The following PCDH15 variants were observed in gnomAD, a reference collection of about 807,000 sequenced individuals.
PCDH15 encodes the protein protocadherin-15.
PCDH15 carries 129 observed loss-of-function variants against 178.5 expected under a neutral mutation model. That is an observed-to-expected ratio of 0.72 (90% CI 0.63 to 0.84). The LOEUF is 0.84. Ranked by LOEUF, PCDH15 falls within the 40% of genes least tolerant of loss-of-function variation. The pLI, the probability that PCDH15 is intolerant of heterozygous loss-of-function variation, is 0.00. For missense variants in PCDH15, 2,230 were observed against 2,099.9 expected, an observed-to-expected ratio of 1.06 and a Z score of -1.21; for synonymous variants, 800 against 732.0, an observed-to-expected ratio of 1.09 and a Z score of -1.50.
intron 2 of PCDH15, among the ~76,000 whole-genome samples, chr10:55,523,227 A>G (rs1841225552): frequency 6.6e-6 from 1 of 151,414 alleles, no homozygotes; most frequent in Non-Finnish European, 1.5e-5. Flanking sequence ...TCCATCAAGA[A>G]CTTCCACAAG....
upstream of PCDH15, among the ~76,000 whole-genome samples, chr10:54,803,396 C>A (rs561246688): frequency 6.6e-6 from 1 of 152,058 alleles, no homozygotes; most frequent in African/African-American, 2.4e-5. Context: ...TCTGAACTTG[C>A]ATTTTACCAC....
intron 3 of PCDH15, among the ~76,000 whole-genome samples, chr10:54,396,266 T>C (rs1589202348): frequency 6.6e-6 from 1 of 152,156 alleles, no homozygotes; most frequent in African/African-American, 2.4e-5. Flanking sequence ...TCAAAATCCT[T>C]TTCCTTTGTC....
chr10:53,974,730 T>G (rs1414402504), intron 21 of PCDH15, among the ~76,000 whole-genome samples: 1 of 152,176 alleles, frequency 6.6e-6, no homozygotes, highest in Non-Finnish European at 1.5e-5. Flanking sequence ...TTCACAACTT[T>G]CAAGTGATGG....
intron 1 of PCDH15, among the ~76,000 whole-genome samples, chr10:54,779,669 C>A (rs890184102): frequency 6.6e-5 from 10 of 151,262 alleles, no homozygotes; most frequent in African/African-American, 2.4e-4. Flanking sequence ...AGAGAGTTAG[C>A]AGGGTGTAAA....
chr10:55,321,883 T>C (rs1313502499), upstream of PCDH15, among the ~76,000 whole-genome samples: 1 of 152,186 alleles, frequency 6.6e-6, no homozygotes, highest in East Asian at 1.9e-4. Context: ...GAAAACTAGT[T>C]ACTAGCCACT....
rs535340148 is a variant in PCDH15, at chr10:55,561,137, G to A, written c.-156+66488C>T. Among the ~76,000 whole-genome samples, 6 of 151,716 alleles carry A rather than the reference G, an allele frequency of 4.0e-5. No homozygotes were observed. The East Asian group carries it at 5.8e-4, about 15-fold the overall frequency. On this transcript the variant is annotated intron_variant, in intron 2 of 5. Coordinates refer to the PCDH15 transcript ENST00000613346. ...CTGAAAAATACTTTCACAGAACAAA[G>A]GTTAAGAAATTAATCTTCAGAAAGA...
chr10:54,329,371 A>G lies in PCDH15; in HGVS notation c.705+225T>C, dbSNP rs857394. 0.73 allele frequency among the ~76,000 whole-genome samples: 110,296 copies of G among 151,620 alleles called. 41,092 individuals carry two copies. Among genetic ancestry groups the G allele is most frequent in the Middle Eastern group, 0.83 (241 of 292 alleles). The stretch of plus-strand genomic sequence containing the variant: ...ATAGTCTAAAAAGGTTGGATAATGG[A>G]TAATACATATGAATAATTTAGAGGT... On this transcript the variant is annotated intron_variant, in intron 7 of 37. Transcript: ENST00000644397.
intron 2 of PCDH15, among the ~76,000 whole-genome samples, chr10:54,576,208 T>C (rs929164134): frequency 3.3e-5 from 5 of 152,206 alleles, no homozygotes; most frequent in Admixed American, 6.5e-5. Context: ...TTTCCAGTTG[T>C]ATCCAAGTAA....
intron 3 of PCDH15, among the ~76,000 whole-genome samples, chr10:54,473,032 C>T (rs1386709088): frequency 1.3e-5 from 2 of 151,974 alleles, no homozygotes; most frequent in Non-Finnish European, 2.9e-5. Flanking sequence ...CTTTGTTTCA[C>T]CTAAATGCAG....
At chr10:54,891,081 C>A (rs2131815989) in intron 3 of PCDH15, among the ~76,000 whole-genome samples, 1 of 151,958 alleles carries the variant, frequency 6.6e-6, no homozygotes, top group African/African-American at 2.4e-5. Flanking sequence ...ACCGATGCAC[C>A]ATAGGAAATA....
chr10:55,143,429 T>C (rs1013019833), intron 2 of PCDH15, among the ~76,000 whole-genome samples: 4 of 152,276 alleles, frequency 2.6e-5, no homozygotes, highest in Non-Finnish European at 4.4e-5. Flanking sequence ...AGATAGGTTC[T>C]GGTCACTGGA....
chr10:55,494,874 A>C (rs562066096), intron 2 of PCDH15, among the ~76,000 whole-genome samples: 1 of 151,840 alleles, frequency 6.6e-6, no homozygotes, highest in Non-Finnish European at 1.5e-5. Context: ...TGTAAGACTT[A>C]CTACAATGTT....
intron 2 of PCDH15, among the ~76,000 whole-genome samples, chr10:55,151,693 G>A (rs1488650148): frequency 6.6e-6 from 1 of 151,954 alleles, no homozygotes; most frequent in Non-Finnish European, 1.5e-5. Context: ...ACAGATTTTT[G>A]CAGACTAACA....
chr10:55,041,868 G>GT (rs1840870320), intron 2 of PCDH15, among the ~76,000 whole-genome samples: 1 of 152,054 alleles, frequency 6.6e-6, no homozygotes, highest in African/African-American at 2.4e-5. Context: ...TGAGCAGATA[G>GT]TGAGCACTCA....
At chr10:55,017,879 T>C (rs999644392) in intron 2 of PCDH15, among the ~76,000 whole-genome samples, 2 of 152,098 alleles carry the variant, frequency 1.3e-5, no homozygotes, top group African/African-American at 2.4e-5. Flanking sequence ...GGGAAAAGTG[T>C]TCCCACAATT....
At chr10:54,928,007 G>A (rs755071331) in intron 2 of PCDH15, among the ~76,000 whole-genome samples, 4 of 152,064 alleles carry the variant, frequency 2.6e-5, no homozygotes, top group Non-Finnish European at 5.9e-5. Context: ...ATGTAGACTT[G>A]TTTATGTGGT....
At chr10:54,313,715 T>C (rs1464850917) in intron 8 of PCDH15, among the ~76,000 whole-genome samples, 2 of 152,124 alleles carry the variant, frequency 1.3e-5, no homozygotes, top group African/African-American at 2.4e-5. Flanking sequence ...TTAGCATAGT[T>C]CATTACGAAC....
intron 3 of PCDH15, among the ~76,000 whole-genome samples, chr10:54,467,138 C>T (rs77860023): frequency 0.013 from 2,003 of 151,650 alleles, 32 homozygotes; most frequent in African/African-American, 0.046. Flanking sequence ...AGTTCGAATG[C>T]CTTTTATTTT....
In PCDH15 at chr10:54,095,817, T is replaced by C. The variant is rs114984025; in HGVS notation, c.1918-5754A>G. 5.4e-3 allele frequency among the ~76,000 whole-genome samples: 818 copies of C among 152,216 alleles called. 8 individuals carry two copies. Among genetic ancestry groups the C allele is most frequent in the African/African-American group, 0.019 (783 of 41,550 alleles). The stretch of plus-strand genomic sequence containing the variant: ...TATGAAGGCTTAGTCTTAAAAAAAT[T>C]TTGTTGTACAAAATGGGTAACCTTG... On this transcript the variant is annotated intron_variant, in intron 15 of 37. Transcript: ENST00000644397.
Sources: gnomAD v4.1 joint callset for allele counts (sites outside exome capture counted in the v4.1 genomes callset) on GRCh38, gnomAD v4.1.1 for gene constraint, MANE v1.5 for transcripts, NCBI Gene and HGNC (gene_info 2026-07-23, HGNC 2026-07-21) for gene names.